The following SNX29 variants were observed in gnomAD, a reference collection of about 807,000 sequenced individuals.
SNX29 encodes sorting nexin 29.
A neutral mutation model predicts 102.1 loss-of-function variants in SNX29; 78 were observed. The observed-to-expected ratio is 0.76, with a 90% confidence interval of 0.64 to 0.92. The LOEUF (loss-of-function observed/expected upper bound fraction) is 0.92, where lower values mean the gene tolerates loss of function less well. Among genes scored for constraint, SNX29 ranks in the 40% least tolerant of loss-of-function variants. SNX29 has a pLI of 0.00. For synonymous variants in SNX29, 580 were observed against 414.5 expected (o/e 1.40, Z -4.85); for missense variants, 1,280 against 1,061.7 (o/e 1.21, Z -2.86).
intron 16 of SNX29, among the ~76,000 whole-genome samples, chr16:12,367,889 C>G (rs2082543421): frequency 6.6e-6 from 1 of 152,220 alleles, no homozygotes; most frequent in Non-Finnish European, 1.5e-5. Context: ...AGGCTTAACT[C>G]AGAAATATTA....
chr16:12,367,665 CTA>C (rs2151363956), intron 16 of SNX29, among the ~76,000 whole-genome samples: 1 of 152,338 alleles, frequency 6.6e-6, no homozygotes, highest in East Asian at 1.9e-4. Flanking sequence ...AATAAGAAAT[CTA>C]TTTTTCTGCC....
chr16:12,525,157 G>A (rs2076744020), intron 20 of SNX29, among the ~76,000 whole-genome samples: 1 of 152,210 alleles, frequency 6.6e-6, no homozygotes, highest in Admixed American at 6.5e-5. Flanking sequence ...TACAGCCCAC[G>A]GGTGCTCCAA....
At chr16:12,023,372 C>T (rs998240992) in intron 3 of SNX29, among the ~76,000 whole-genome samples, 2 of 145,522 alleles carry the variant, frequency 1.4e-5, no homozygotes, top group African/African-American at 5.2e-5. Flanking sequence ...ATTCTGGGAA[C>T]CCCCCAGCCC....
chr16:12,461,043 A>G (rs2086757131), intron 18 of SNX29, among the ~76,000 whole-genome samples: 1 of 152,262 alleles, frequency 6.6e-6, no homozygotes, highest in Non-Finnish European at 1.5e-5. Context: ...TTTCAAACAC[A>G]GTCCTAGAAG....
intron 20 of SNX29, among the ~76,000 whole-genome samples, chr16:12,544,400 CTAAAACATTA>C (rs2077489727): frequency 6.6e-6 from 1 of 152,174 alleles, no homozygotes; most frequent in African/African-American, 2.4e-5. Context: ...GGTGGTTCTG[CTAAAACATTA>C]TGTCAGCTGG....
rs954004208 is a variant in SNX29, at chr16:12,572,909, G to A, written c.*4280G>A. On this transcript the variant is annotated 3_prime_UTR_variant, in exon 21 of 21. Transcript: ENST00000566228. ...CCTTGGCATTTCGCTCGGAATCACG[G>A]CAGACTTGGAGTGTTTCTTCAAGGC... The A allele has an allele frequency of 1.3e-5, 13 of 1,010,028 alleles. No homozygotes were observed. The highest frequency in any genetic ancestry group is 1.4e-5 in the Non-Finnish European group (12 of 829,790). The allele number at this position is 1,010,028 out of a possible 1,614,324, so 62.6% of individuals were successfully genotyped here. A position where few individuals can be genotyped will look rare whatever the true frequency, so the allele number is the denominator to read the frequency against.
chr16:12,230,990 G>A (rs1333911052), intron 14 of SNX29, among the ~76,000 whole-genome samples: 1 of 151,972 alleles, frequency 6.6e-6, no homozygotes, highest in African/African-American at 2.4e-5. Context: ...GGGACTATCT[G>A]TAGGCATGTA....
chr16:12,533,913 C>T (rs1298372909), intron 20 of SNX29, among the ~76,000 whole-genome samples: 2 of 152,222 alleles, frequency 1.3e-5, no homozygotes, highest in Non-Finnish European at 2.9e-5. Flanking sequence ...TGCACATCTT[C>T]ATATAAAATC....
chr16:12,567,333 G>T (rs775450981), intron 20 of SNX29, among the ~76,000 whole-genome samples: 2 of 152,126 alleles, frequency 1.3e-5, no homozygotes, highest in Non-Finnish European at 2.9e-5. Context: ...ACGCAGGAGT[G>T]GACATGGATC....
chr16:12,421,897 A>C (rs2084887012), intron 18 of SNX29, among the ~76,000 whole-genome samples: 1 of 130,922 alleles, frequency 7.6e-6, no homozygotes, highest in Non-Finnish European at 1.8e-5. Context: ...CCAGCCGTCC[A>C]TCACCATCAC....
intron 20 of SNX29, among the ~76,000 whole-genome samples, chr16:12,536,710 G>A (rs560148941): frequency 2.0e-5 from 3 of 152,212 alleles, no homozygotes; most frequent in Non-Finnish European, 4.4e-5. Context: ...GGACGTGGTG[G>A]CTCACGCCTG....
At chr16:12,294,307 C>G (rs560427147) in intron 15 of SNX29, among the ~76,000 whole-genome samples, 23 of 152,188 alleles carry the variant, frequency 1.5e-4, no homozygotes, top group African/African-American at 5.5e-4. Context: ...GATGGGGAAC[C>G]CTCTTGTCTC....
chr16:12,250,829 G>GTCTGTTC (rs1328169801), intron 14 of SNX29, among the ~76,000 whole-genome samples: 1 of 137,532 alleles, frequency 7.3e-6, no homozygotes, highest in African/African-American at 3.5e-5. Flanking sequence ...TTCTAGAAGA[G>GTCTGTTC]CGACTGGGCT....
chr16:12,391,156 G>A (rs1034591709), intron 16 of SNX29, among the ~76,000 whole-genome samples: 6 of 152,074 alleles, frequency 3.9e-5, no homozygotes, highest in African/African-American at 1.4e-4. Flanking sequence ...GTGTTGCCCA[G>A]ACTGGCCTTA....
chr16:12,568,581 T>A lies in SNX29; in HGVS notation c.2394T>A (p.Gly798=). The A allele has an allele frequency of 1.2e-6, 2 of 1,607,128 alleles. No homozygotes were observed. The highest frequency in any genetic ancestry group is 4.5e-5 in the East Asian group (2 of 44,842). Reference sequence around the variant, plus strand: ...CCCGCTTCCCCAAACTGTCCCGGGGTCAGCCCCGGGAGACCCGCAACGTGG... The same window carrying A: ...CCCGCTTCCCCAAACTGTCCCGGGGACAGCCCCGGGAGACCCGCAACGTGG... ...AASRFPKLSR[G]QPRETRNVEP... The change falls in exon 21 of 21, where the codon GGT becomes GGA. Residue 798 remains glycine (G), a synonymous_variant. Coordinates refer to ENST00000566228, the MANE Select transcript of SNX29 (RefSeq NM_032167.5).
chr16:12,498,000 G>A (rs2088917066), intron 19 of SNX29, among the ~76,000 whole-genome samples: 1 of 152,222 alleles, frequency 6.6e-6, no homozygotes, highest in Non-Finnish European at 1.5e-5. Context: ...AGGAGAAAAG[G>A]ACATGGGTAG....
intron 18 of SNX29, among the ~76,000 whole-genome samples, chr16:12,409,643 A>T (rs1434283589): frequency 2.6e-5 from 4 of 151,844 alleles, no homozygotes; most frequent in African/African-American, 7.3e-5. Flanking sequence ...GTTAGCCAGG[A>T]TGGTCTCAAT....
chr16:12,032,187 CCTTCTT>C (rs199740204), intron 4 of SNX29, among the ~76,000 whole-genome samples: 3 of 146,982 alleles, frequency 2.0e-5, no homozygotes, highest in East Asian at 3.9e-4. Context: ...GTCAGAATTT[CCTTCTT>C]CTTCTTCTTC....
At chr16:12,121,200 A>G (rs2053958005) in intron 11 of SNX29, among the ~76,000 whole-genome samples, 1 of 152,202 alleles carries the variant, frequency 6.6e-6, no homozygotes, top group Non-Finnish European at 1.5e-5. Context: ...AGAGGTGCAG[A>G]TGGGCACCTC....
Sources: allele counts gnomAD v4.1 joint callset (sites outside exome capture counted in the v4.1 genomes callset), GRCh38; gene constraint gnomAD v4.1.1; transcripts MANE v1.5; gene names NCBI Gene and HGNC (gene_info 2026-07-23, HGNC 2026-07-21).